KATNIP: variants seen among roughly 807,000 people sequenced by gnomAD.
The protein encoded by KATNIP is katanin-interacting protein.
KATNIP carries 126 observed loss-of-function variants against 174.0 expected under a neutral mutation model. That is an observed-to-expected ratio of 0.72 (90% confidence interval 0.63 to 0.84). KATNIP has a LOEUF of 0.84. KATNIP is among the 40% of genes least tolerant of loss of function. KATNIP has a pLI of 0.00. For missense variants in KATNIP, 1,958 were observed against 2,109.7 expected (o/e 0.93, Z 1.41); for synonymous variants, 810 against 835.7 (o/e 0.97, Z 0.53).
At chr16:27,684,960 C>T (rs2078471283) in intron 8 of KATNIP, among the ~76,000 whole-genome samples, 1 of 152,194 alleles carries the variant, frequency 6.6e-6, no homozygotes, top group African/African-American at 2.4e-5. Context: ...CACAATTCAA[C>T]CCATAATATA....
Position 27,740,876 on chromosome 16 carries a change from A to T in KATNIP, c.2579A>T (p.Asp860Val). 1 of 1,607,560 alleles carries T rather than the reference A, an allele frequency of 6.2e-7. No individual in the cohort carries two copies. The highest frequency in any genetic ancestry group is 8.5e-7 in the Non-Finnish European group (1 of 1,177,208). ...PASGRRGSRKDAGSSSHGDDQ... is the reference protein window; with the variant it reads ...PASGRRGSRKVAGSSSHGDDQ... Reference sequence around the variant, plus strand: ...AGTGGGAGGAGGGGCTCAAGGAAGGATGCTGGCAGCAGTAGTCATGGGGAC... The same window carrying T: ...AGTGGGAGGAGGGGCTCAAGGAAGGTTGCTGGCAGCAGTAGTCATGGGGAC... The change falls in exon 15 of 28, where the codon GAT (aspartate) becomes GTT (valine). Residue 860 changes from aspartate to valine, a missense_variant. This residue lies in a region of KATNIP where 1,557 missense variants were observed against 1,617.8 expected (regional missense o/e 0.96). Transcript: ENST00000261588.
intron 21 of KATNIP, among the ~76,000 whole-genome samples, chr16:27,771,037 C>G (rs1308208764): frequency 6.6e-6 from 1 of 152,232 alleles, no homozygotes; most frequent in African/African-American, 2.4e-5. Context: ...CTTCCCAAGG[C>G]TGCCTCCTCC....
rs184467906 is a variant in KATNIP, at chr16:27,765,710, C to T, written c.3810-599C>T. On this transcript the variant is annotated intron_variant, in intron 19 of 27. Transcript: ENST00000261588. ...AAATACTCACCTCCATACCCTCTGACCCAATTATGTTTTTCACTTTTGCAC... is the reference window on the plus strand; with the variant it reads ...AAATACTCACCTCCATACCCTCTGATCCAATTATGTTTTTCACTTTTGCAC... 1.4e-4 allele frequency among the ~76,000 whole-genome samples: 22 copies of T among 152,330 alleles called. No individual in the cohort carries two copies. The East Asian group carries it at 4.0e-3, about 28-fold the overall frequency.
rs376515834 is a variant in KATNIP at position 27,749,652 on chromosome 16, G to A, written c.2692G>A (p.Glu898Lys). The change falls in exon 16 of 28, where the codon GAG becomes AAG. Residue 898 changes from glutamate (E) to lysine (K), a missense_variant. Around this residue, in one of 3 missense-constraint regions of KATNIP, gnomAD observed 1,557 missense variants for 1,617.8 expected, o/e 0.96. Transcript: ENST00000261588. ...WRSEQEHTLH[E>K]SWSSLSAFDR... ...CAGTGAGCAGGAGCACACACTTCAC[G>A]AGTCATGGAGCTCCCTCAGTGCCTT... 93 of 1,602,368 alleles carry A rather than the reference G, an allele frequency of 5.8e-5. No homozygotes were observed. The highest frequency in any genetic ancestry group is 3.8e-4 in the South Asian group (34 of 88,978).
chr16:27,651,574 C>A (rs1454192535), intron 6 of KATNIP, among the ~76,000 whole-genome samples: 1 of 152,236 alleles, frequency 6.6e-6, no homozygotes, highest in South Asian at 2.1e-4. Context: ...ACCAGCCTCT[C>A]GCCTTTAATC....
chr16:27,600,454 G>T (rs899770888), intron 2 of KATNIP, among the ~76,000 whole-genome samples: 3 of 152,114 alleles, frequency 2.0e-5, no homozygotes, highest in Admixed American at 6.5e-5. Flanking sequence ...GCATACCTGG[G>T]ATGTCAGAAG....
At chr16:27,770,840 G>A (rs960392405) in intron 21 of KATNIP, among the ~76,000 whole-genome samples, 1 of 152,234 alleles carries the variant, frequency 6.6e-6, no homozygotes, top group African/African-American at 2.4e-5. Flanking sequence ...GCCAGGTGCT[G>A]AAGATCATGA....
intron 2 of KATNIP, among the ~76,000 whole-genome samples, chr16:27,600,072 C>T (rs2075466721): frequency 6.6e-6 from 1 of 152,140 alleles, no homozygotes; most frequent in Admixed American, 6.5e-5. Flanking sequence ...TGACGTCATA[C>T]ATTTGGTAGG....
chr16:27,638,831 C>T (rs576475437), intron 5 of KATNIP, among the ~76,000 whole-genome samples: 2 of 122,648 alleles, frequency 1.6e-5, no homozygotes, highest in South Asian at 5.6e-4. Flanking sequence ...GGCTGTCTTG[C>T]TGGATTTTTT....
At position 27,721,703 on chromosome 16, in the gene KATNIP, A is replaced by G. The variant is rs373193810; in HGVS notation, c.1743+8A>G. 49 of 1,613,080 alleles carry G rather than the reference A, an allele frequency of 3.0e-5. No homozygotes were observed. Among genetic ancestry groups the G allele is most frequent in the Non-Finnish European group, 4.2e-5 (49 of 1,179,680 alleles). Reference sequence around the variant, plus strand: ...TACTGGACAGCTGATGGCGTAAGTAACAGGCGCTGGTTCCCCACTGGGCAC... The same window carrying G: ...TACTGGACAGCTGATGGCGTAAGTAGCAGGCGCTGGTTCCCCACTGGGCAC... On this transcript the variant is annotated splice_region_variant and intron_variant, in intron 14 of 27. Coordinates refer to ENST00000261588, the MANE Select transcript of KATNIP (RefSeq NM_015202.5).
chr16:27,634,484 G>A (rs895503847), intron 5 of KATNIP, among the ~76,000 whole-genome samples: 1 of 152,202 alleles, frequency 6.6e-6, no homozygotes, highest in African/African-American at 2.4e-5. Context: ...GGACACCATT[G>A]GGAAGGTGGG....
At chr16:27,663,518 G>A (rs564295064) in intron 6 of KATNIP, among the ~76,000 whole-genome samples, 3 of 151,634 alleles carry the variant, frequency 2.0e-5, no homozygotes, top group African/African-American at 7.3e-5. Flanking sequence ...AGTCTTGCTC[G>A]GCTCACTGCA....
chr16:27,573,993 C>T (rs2090399064), intron 2 of KATNIP, 37 bp downstream of exon 2: 9 of 1,594,240 alleles, frequency 5.6e-6, no homozygotes, highest in Non-Finnish European at 6.0e-6. Context: ...TGGGAGGCAA[C>T]TCTATTTGAA....
At chr16:27,678,327 G>A (rs1287112543) in intron 7 of KATNIP, among the ~76,000 whole-genome samples, 2 of 152,094 alleles carry the variant, frequency 1.3e-5, no homozygotes, top group Non-Finnish European at 2.9e-5. Flanking sequence ...GTAACTGAAA[G>A]GTTCTGAGAT....
intron 6 of KATNIP, among the ~76,000 whole-genome samples, chr16:27,673,365 G>T (rs1248078368): frequency 6.6e-6 from 1 of 152,174 alleles, no homozygotes; most frequent in Non-Finnish European, 1.5e-5. Flanking sequence ...GTTGCCCTGG[G>T]AGGAGCAGTG....
intron 17 of KATNIP, among the ~76,000 whole-genome samples, chr16:27,752,433 A>C (rs929467362): frequency 2.6e-5 from 4 of 152,266 alleles, no homozygotes; most frequent in African/African-American, 9.6e-5. Context: ...GCCATTTCGG[A>C]AACTGATGCT....
At chr16:27,741,784 C>A (rs934132256) in intron 15 of KATNIP, among the ~76,000 whole-genome samples, 1 of 152,064 alleles carries the variant, frequency 6.6e-6, no homozygotes, top group East Asian at 1.9e-4. Flanking sequence ...TTCCTGTAAT[C>A]CCAGCTACTT....
intron 5 of KATNIP, among the ~76,000 whole-genome samples, chr16:27,631,416 G>A (rs1334379191): frequency 1.3e-5 from 2 of 151,908 alleles, no homozygotes; most frequent in Admixed American, 6.6e-5. Context: ...GTGGCAGCAC[G>A]TACCTCTAGT....
chr16:27,766,068 T>G (rs945356103), intron 19 of KATNIP, among the ~76,000 whole-genome samples: 8 of 152,020 alleles, frequency 5.3e-5, no homozygotes, highest in Admixed American at 3.3e-4. Flanking sequence ...GATGATTGCT[T>G]TTCTGCACCT....
Sources: gnomAD v4.1 joint callset for allele counts (sites outside exome capture counted in the v4.1 genomes callset) on GRCh38, gnomAD v4.1.1 for gene constraint, gnomAD v4.1.1 regional missense constraint, MANE v1.5 for transcripts, NCBI Gene and HGNC (gene_info 2026-07-23, HGNC 2026-07-21) for gene names.